ANKRD10: variants seen among roughly 807,000 people sequenced by gnomAD.
ANKRD10 encodes the protein ankyrin repeat domain 10, also known as ankyrin repeat domain-containing protein 10.
A neutral mutation model predicts 27.0 loss-of-function variants in ANKRD10; 14 were observed. The ratio of observed to expected loss-of-function variants is 0.52; its 90% CI spans 0.34 to 0.81. The LOEUF (loss-of-function observed/expected upper bound fraction) is 0.81, where lower values mean the gene tolerates loss of function less well. Ranked by LOEUF, ANKRD10 falls within the 40% of genes least tolerant of loss-of-function variation. The pLI is 0.01. For missense variants in ANKRD10, 493 were observed against 544.0 expected (o/e 0.91, Z 0.93); for synonymous variants, 250 against 224.5 (o/e 1.11, Z -1.01).
At chr13:110,881,741 G>A (rs1328513066) in intron 5 of ANKRD10, among the ~76,000 whole-genome samples, 3 of 152,214 alleles carry the variant, frequency 2.0e-5, no homozygotes, top group African/African-American at 7.2e-5. Flanking sequence ...TTTATTGTGT[G>A]TATAGTTTTT....
intron 4 of ANKRD10, among the ~76,000 whole-genome samples, chr13:110,888,654 A>G (rs542068893): frequency 4.6e-5 from 7 of 152,272 alleles, no homozygotes; most frequent in African/African-American, 1.7e-4. Context: ...CTCCTTTACC[A>G]AGTCTTTAAC....
intron 3 of ANKRD10, among the ~76,000 whole-genome samples, chr13:110,902,934 C>A (rs1299812692): frequency 6.6e-6 from 1 of 152,130 alleles, no homozygotes; most frequent in East Asian, 1.9e-4. Flanking sequence ...GTAATTGGTA[C>A]CAAATTACTG....
chr13:110,887,558 A>G (rs779950861), intron 4 of ANKRD10, among the ~76,000 whole-genome samples: 5 of 152,236 alleles, frequency 3.3e-5, no homozygotes, highest in African/African-American at 1.2e-4. Flanking sequence ...AGCACTCTAT[A>G]AAGTCATACT....
intron 5 of ANKRD10, among the ~76,000 whole-genome samples, chr13:110,880,377 T>C (rs1300078796): frequency 6.6e-6 from 1 of 152,108 alleles, no homozygotes; most frequent in Non-Finnish European, 1.5e-5. Context: ...AGCTGACAAA[T>C]ACACTGCATG....
At chr13:110,901,195 A>C (rs531656735) in intron 3 of ANKRD10, among the ~76,000 whole-genome samples, 1 of 152,358 alleles carries the variant, frequency 6.6e-6, no homozygotes, top group East Asian at 1.9e-4. Context: ...AGCAAAAGAA[A>C]TACATGTGTA....
chr13:110,909,849 A>G (rs752139541), intron 2 of ANKRD10, among the ~76,000 whole-genome samples: 4 of 152,228 alleles, frequency 2.6e-5, no homozygotes, highest in Non-Finnish European at 4.4e-5. Context: ...TAAAGCATTT[A>G]AAGATAGGAG....
chr13:110,898,102 A>G (rs1456507461), intron 3 of ANKRD10, among the ~76,000 whole-genome samples: 2 of 152,222 alleles, frequency 1.3e-5, no homozygotes, highest in East Asian at 1.9e-4. Flanking sequence ...GGGGTGTAAA[A>G]CAAAAGACTC....
chr13:110,913,560 C>T (rs1594652793), intron 1 of ANKRD10, among the ~76,000 whole-genome samples: 2 of 152,274 alleles, frequency 1.3e-5, no homozygotes, highest in Admixed American at 1.3e-4. Context: ...AGTGACTTTT[C>T]CACTTTAAAA....
chr13:110,887,138 A>G (rs1009239660), intron 4 of ANKRD10, among the ~76,000 whole-genome samples: 22 of 152,280 alleles, frequency 1.4e-4, no homozygotes, highest in African/African-American at 5.1e-4. Context: ...ACCCTGGGGG[A>G]CACACAGAGA....
intron 4 of ANKRD10, among the ~76,000 whole-genome samples, chr13:110,891,302 T>C (rs377467684): frequency 6.1e-4 from 93 of 152,304 alleles, no homozygotes; most frequent in African/African-American, 2.2e-3. Context: ...TAAAAAGGCG[T>C]TGAAACTACA....
At chr13:110,892,840 C>T (rs1262283413) in intron 4 of ANKRD10, 188 bp downstream of exon 4, 1 of 1,371,594 alleles carries the variant, frequency 7.3e-7, no homozygotes, top group Admixed American at 3.2e-5. Context: ...CCCTCACATT[C>T]CCTTTTGTTA....
At chr13:110,882,170 C>T (rs1490797046) in intron 5 of ANKRD10, among the ~76,000 whole-genome samples, 1 of 152,192 alleles carries the variant, frequency 6.6e-6, no homozygotes, top group African/African-American at 2.4e-5. Context: ...GAGTCTCAAA[C>T]TAGGGGCATT....
At chr13:110,909,164 C>A (rs1328499625) in intron 2 of ANKRD10, among the ~76,000 whole-genome samples, 1 of 152,130 alleles carries the variant, frequency 6.6e-6, no homozygotes, top group Non-Finnish European at 1.5e-5. Flanking sequence ...TTTCTCTAGT[C>A]CTCTCTAAAT....
intron 3 of ANKRD10, among the ~76,000 whole-genome samples, chr13:110,903,307 G>C (rs1566483159): frequency 1.3e-5 from 2 of 152,086 alleles, no homozygotes; most frequent in East Asian, 3.9e-4. Flanking sequence ...ATTTAGTTTG[G>C]TCACAAGTTA....
chr13:110,905,599 T>C (rs2065508985), intron 3 of ANKRD10, among the ~76,000 whole-genome samples: 1 of 152,220 alleles, frequency 6.6e-6, no homozygotes, highest in South Asian at 2.1e-4. Flanking sequence ...CCTAGAAAAG[T>C]GAATTTTCTT....
At chr13:110,904,417 G>A (rs188142550) in intron 3 of ANKRD10, 18 of 152,226 alleles carry the variant, frequency 1.2e-4, no homozygotes, top group African/African-American at 4.1e-4. Context: ...AAAGGACATC[G>A]TGATATTTAT....
At chr13:110,885,547 AAAAAAAAG>A (rs955863680) in intron 4 of ANKRD10, among the ~76,000 whole-genome samples, 24 of 151,648 alleles carry the variant, frequency 1.6e-4, no homozygotes, top group Non-Finnish European at 2.9e-5. Context: ...ACTCCATCTA[AAAAAAAAG>A]AAAAAAAGAA....
chr13:110,894,306 A>G (rs2065160599), intron 3 of ANKRD10: 2 of 675,384 alleles, frequency 3.0e-6, no homozygotes, highest in Non-Finnish European at 5.2e-6. Context: ...GCTACACTAC[A>G]TCCACAGCAA....
At chr13:110,892,401 G>C (rs1418871790) in intron 4 of ANKRD10, among the ~76,000 whole-genome samples, 1 of 48,648 alleles carries the variant, frequency 2.1e-5, no homozygotes, top group Non-Finnish European at 3.7e-5. Flanking sequence ...TTGCACTCCA[G>C]CCTGGGTGAC....
Sources: allele counts gnomAD v4.1 joint callset (sites outside exome capture counted in the v4.1 genomes callset), GRCh38; gene constraint gnomAD v4.1.1; transcripts MANE v1.5; gene names NCBI Gene and HGNC (gene_info 2026-07-23, HGNC 2026-07-21).